EXOC4: variants seen among roughly 807,000 people sequenced by gnomAD.
EXOC4 encodes SEC8-like 1.
A neutral mutation model predicts 107.2 loss-of-function variants in EXOC4; 71 were observed. The ratio of observed to expected loss-of-function variants is 0.66; its 90% CI spans 0.55 to 0.81. The LOEUF (loss-of-function observed/expected upper bound fraction) is 0.81, where lower values mean the gene tolerates loss of function less well. Ranked by LOEUF, EXOC4 falls within the 30% of genes least tolerant of loss-of-function variation. The probability of loss-of-function intolerance (pLI) is 0.00; values close to 1 mark genes in which losing one functional copy is unlikely to be tolerated. For missense variants in EXOC4, 1,108 were observed against 1,189.6 expected (o/e 0.93, Z 1.01); for synonymous variants, 456 against 441.2 (o/e 1.03, Z -0.42).
At chr7:133,752,136 G>C (rs1251538673) in intron 10 of EXOC4, among the ~76,000 whole-genome samples, 1 of 152,094 alleles carries the variant, frequency 6.6e-6, no homozygotes, top group Middle Eastern at 3.2e-3. Context: ...ACTCCAGCCT[G>C]GACAACAGAG....
chr7:133,977,611 C>T (rs1470691661), intron 14 of EXOC4, among the ~76,000 whole-genome samples: 1 of 152,136 alleles, frequency 6.6e-6, no homozygotes, highest in East Asian at 1.9e-4. Context: ...CCAAATCTTT[C>T]CTTTTCAAAG....
intron 10 of EXOC4, among the ~76,000 whole-genome samples, chr7:133,710,988 G>T (rs886487769): frequency 6.6e-6 from 1 of 151,742 alleles, no homozygotes; most frequent in East Asian, 1.9e-4. Flanking sequence ...CACAGTATTG[G>T]TAAAGTAGAG....
chr7:133,405,329 A>C (rs1483470324), intron 7 of EXOC4, among the ~76,000 whole-genome samples: 1 of 152,202 alleles, frequency 6.6e-6, no homozygotes, highest in Non-Finnish European at 1.5e-5. Context: ...AATAATAATC[A>C]TAAAACCAAT....
At chr7:134,094,832 CTA>C in the EXOC4 span, among the ~76,000 whole-genome samples, 1 of 151,968 alleles carries the variant, frequency 6.6e-6, no homozygotes. Flanking sequence ...AGGAACATAT[CTA>C]TGACAAACTC....
intron 2 of EXOC4, among the ~76,000 whole-genome samples, chr7:133,284,911 G>T (rs116342106): frequency 1.3e-5 from 2 of 151,990 alleles, no homozygotes; most frequent in South Asian, 4.1e-4. Flanking sequence ...ATCCTACCCC[G>T]GTCCCAGTTC....
chr7:133,725,918 A>C (rs1795205342), intron 10 of EXOC4, among the ~76,000 whole-genome samples: 1 of 152,210 alleles, frequency 6.6e-6, no homozygotes, highest in African/African-American at 2.4e-5. Flanking sequence ...GACAGAGGAA[A>C]TTCAAACAAA....
At chr7:134,099,522 CTTTTTTTTTTTTTTTT>C in the EXOC4 span, among the ~76,000 whole-genome samples, 1,568 of 103,934 alleles carry the variant, frequency 0.015, 45 homozygotes, top group African/African-American at 0.042. Context: ...CATCACACTT[CTTTTTTTTTTTTTTTT>C]TTTTTTTTTT....
intron 10 of EXOC4, among the ~76,000 whole-genome samples, chr7:133,767,273 A>G (rs928698731): frequency 6.6e-6 from 1 of 151,960 alleles, no homozygotes; most frequent in Non-Finnish European, 1.5e-5. Context: ...AGTTTAAAAC[A>G]TGCCTCTTCA....
At chr7:133,856,465 C>T (rs1405259440) in intron 11 of EXOC4, among the ~76,000 whole-genome samples, 1 of 152,224 alleles carries the variant, frequency 6.6e-6, no homozygotes, top group South Asian at 2.1e-4. Flanking sequence ...TTACTTCTCT[C>T]ACTCACAAGT....
chr7:133,474,846 C>T lies in EXOC4; in HGVS notation c.1183-482C>T, dbSNP rs534961714. 2.2e-4 allele frequency among the ~76,000 whole-genome samples: 34 copies of T among 152,170 alleles called. No homozygotes were observed. The South Asian group carries it at 4.4e-3, about 20-fold the overall frequency. On this transcript the variant is annotated intron_variant, in intron 7 of 17. Coordinates refer to ENST00000253861, the MANE Select transcript of EXOC4 (RefSeq NM_021807.4). ...TACAGGTCTTGAACCTCTGTAAGCC[C>T]CATTTCTTTATCTATAATCTGTGAA...
chr7:133,792,351 G>A (rs988827468), intron 10 of EXOC4, among the ~76,000 whole-genome samples: 3 of 151,960 alleles, frequency 2.0e-5, no homozygotes, highest in African/African-American at 2.4e-5. Context: ...CCAGGAGTTC[G>A]AGATCAGCCT....
chr7:133,845,335 A>AGTGTGTGTGTGTGTGT lies in EXOC4; in HGVS notation c.1734+27810_1734+27825dup, dbSNP rs34845137. ...CAACTAGCATGATAGGCAGGTTAGT[A>AGTGTGTGTGTGTGTGT]GTGTGTGTGTGTGTGTGTGTGTGTG... is the stretch of plus-strand genomic sequence containing the variant. On this transcript the variant is annotated intron_variant, in intron 11 of 17. Transcript: ENST00000253861. 9.1e-3 allele frequency among the ~76,000 whole-genome samples: 1,252 copies of AGTGTGTGTGTGTGTGT among 138,004 alleles called. 22 individuals are homozygous for AGTGTGTGTGTGTGTGT. The highest frequency in any genetic ancestry group is 0.032 in the African/African-American group (1,175 of 36,480). The allele number at this position is 138,004 out of a possible 152,430, so 90.5% of individuals were successfully genotyped here.
chr7:133,561,673 G>A (rs1336140205), intron 9 of EXOC4, among the ~76,000 whole-genome samples: 1 of 152,214 alleles, frequency 6.6e-6, no homozygotes, highest in Non-Finnish European at 1.5e-5. Flanking sequence ...CACTGTCTGT[G>A]TGAAGTTAAC....
At chr7:133,879,817 G>A (rs1798927368) in intron 11 of EXOC4, among the ~76,000 whole-genome samples, 1 of 152,052 alleles carries the variant, frequency 6.6e-6, no homozygotes, top group Non-Finnish European at 1.5e-5. Flanking sequence ...AGATAATAAG[G>A]TTTGTTTTCA....
chr7:133,981,379 T>C (rs1164951453), intron 14 of EXOC4, among the ~76,000 whole-genome samples: 2 of 152,016 alleles, frequency 1.3e-5, no homozygotes, highest in African/African-American at 2.4e-5. Context: ...AAACTGTAGA[T>C]GGAGTGAAAA....
intron 11 of EXOC4, among the ~76,000 whole-genome samples, chr7:133,853,052 T>C (rs1585198634): frequency 1.3e-5 from 2 of 152,206 alleles, no homozygotes; most frequent in African/African-American, 4.8e-5. Flanking sequence ...TTTTTGCTCC[T>C]AATGTTCAGA....
intron 7 of EXOC4, among the ~76,000 whole-genome samples, chr7:133,400,242 A>G (rs951362406): frequency 6.6e-6 from 1 of 152,212 alleles, no homozygotes; most frequent in Non-Finnish European, 1.5e-5. Context: ...CTGGTTCTAG[A>G]GGACTGAAAC....
chr7:133,560,640 A>C (rs957369674), intron 9 of EXOC4, among the ~76,000 whole-genome samples: 2 of 152,094 alleles, frequency 1.3e-5, no homozygotes, highest in African/African-American at 4.8e-5. Context: ...TCTTTCTTTT[A>C]TGGTAAAGTG....
At chr7:133,987,182 T>C (rs1794134395) in intron 14 of EXOC4, among the ~76,000 whole-genome samples, 1 of 152,102 alleles carries the variant, frequency 6.6e-6, no homozygotes, top group Non-Finnish European at 1.5e-5. Context: ...ATTTTGGGGC[T>C]GGGCAAGGTT....
Sources: gnomAD v4.1 joint callset for allele counts (sites outside exome capture counted in the v4.1 genomes callset) on GRCh38, gnomAD v4.1.1 for gene constraint, MANE v1.5 for transcripts, NCBI Gene and HGNC (gene_info 2026-07-23, HGNC 2026-07-21) for gene names.